MAP4K4: variants seen among roughly 807,000 people sequenced by gnomAD.
The protein encoded by MAP4K4 is HPK/GCK-like kinase HGK.
Under a neutral mutation model 189.6 loss-of-function variants are expected in MAP4K4, and 38 were observed. That is an observed-to-expected ratio of 0.20 (90% CI 0.15 to 0.26). The LOEUF (loss-of-function observed/expected upper bound fraction) is 0.26. Ranked by LOEUF, MAP4K4 falls within the 10% of genes least tolerant of loss-of-function variation. The pLI, the probability that MAP4K4 is intolerant of heterozygous loss-of-function variation, is 1.00. For missense variants in MAP4K4, 1,054 were observed against 1,726.9 expected, an observed-to-expected ratio of 0.61 and a Z score of 6.91; for synonymous variants, 610 against 624.3, an observed-to-expected ratio of 0.98 and a Z score of 0.34.
At chr2:101,800,155 G>A (rs944096180) in intron 3 of MAP4K4, among the ~76,000 whole-genome samples, 6 of 151,884 alleles carry the variant, frequency 4.0e-5, no homozygotes, top group African/African-American at 1.5e-4. Flanking sequence ...TTTGAGACAG[G>A]ATCTTGCTTC....
chr2:101,709,054 T>C (rs1573938170), intron 2 of MAP4K4, among the ~76,000 whole-genome samples: 1 of 152,332 alleles, frequency 6.6e-6, no homozygotes. Flanking sequence ...GGAATTTATC[T>C]GTTTGGGTCT....
At position 101,856,055 on chromosome 2, in the gene MAP4K4, C is replaced by G. The variant is rs1184579294; in HGVS notation, c.1312C>G (p.Leu438Val). Reference sequence around the variant, plus strand: ...GAGAGAACAAGAAGAAAAGAGGCGTCTAGAGGAGTTGGAGAGAAGGCGCAA... The same window carrying G: ...GAGAGAACAAGAAGAAAAGAGGCGTGTAGAGGAGTTGGAGAGAAGGCGCAA... Residue 438 changes from leucine to valine, a missense_variant, in exon 13 of 33, where the codon CTA becomes GTA. Leu to Val is a conservative substitution (Grantham distance 32). This residue lies in a region of MAP4K4 where 646 missense variants were observed against 796.2 expected (regional missense o/e 0.81). Coordinates refer to ENST00000324219, the Ensembl canonical transcript of MAP4K4. The G allele has an allele frequency of 5.2e-6, 8 of 1,551,590 alleles. No individual in the cohort carries two copies. Among genetic ancestry groups the G allele is most frequent in the Non-Finnish European group, 6.1e-6 (7 of 1,146,914 alleles).
chr2:101,703,241 G>T (rs1363271380), intron 2 of MAP4K4, among the ~76,000 whole-genome samples: 2 of 151,784 alleles, frequency 1.3e-5, no homozygotes, highest in Non-Finnish European at 2.9e-5. Flanking sequence ...GGTTGGGGTG[G>T]ATACTTGGGC....
At chr2:101,780,025 GATT>G (rs1313078116) in intron 2 of MAP4K4, among the ~76,000 whole-genome samples, 1 of 152,178 alleles carries the variant, frequency 6.6e-6, no homozygotes, top group Non-Finnish European at 1.5e-5. Context: ...TCACAAACCA[GATT>G]ATACTTGTTT....
At chr2:101,735,571 TGGG>T (rs2149667656) in intron 2 of MAP4K4, among the ~76,000 whole-genome samples, 2 of 152,266 alleles carry the variant, frequency 1.3e-5, no homozygotes, top group East Asian at 3.9e-4. Flanking sequence ...AGTCATTTGT[TGGG>T]TGGCCAAGGT....
chr2:101,792,552 A>C lies in MAP4K4; in HGVS notation c.180+1776A>C, dbSNP rs547364342. 3.3e-4 allele frequency among the ~76,000 whole-genome samples: 50 copies of C among 151,924 alleles called. 1 individual carries two copies. Among genetic ancestry groups the C allele is most frequent in the African/African-American group, 1.2e-3 (50 of 41,240 alleles). Reference sequence around the variant, plus strand: ...AGAAGTGTAAAATATAGGAAAATATAAAGAAAAAGTTAAATCCTTATACTT... The same window carrying C: ...AGAAGTGTAAAATATAGGAAAATATCAAGAAAAAGTTAAATCCTTATACTT... On this transcript the variant is annotated intron_variant, in intron 3 of 32. Transcript: ENST00000324219.
intron 1 of MAP4K4, 30 bp downstream of exon 1, chr2:101,698,167 G>GAGCGGGC (rs771347580): frequency 3.0e-6 from 3 of 1,002,436 alleles, no homozygotes; most frequent in Non-Finnish European, 3.8e-6. Context: ...GGCGCGCGGG[G>GAGCGGGC]AGCGGGCAGC....
intron 2 of MAP4K4, among the ~76,000 whole-genome samples, chr2:101,714,677 A>G (rs1015832697): frequency 1.1e-4 from 16 of 152,254 alleles, no homozygotes; most frequent in Admixed American, 8.5e-4. Context: ...AATCATGTGC[A>G]GAATTCATTT....
chr2:101,837,268 CCTT>C (rs777108182), intron 9 of MAP4K4, among the ~76,000 whole-genome samples: 6 of 152,048 alleles, frequency 3.9e-5, no homozygotes, highest in Admixed American at 1.3e-4. Context: ...TGTTTACTCA[CCTT>C]CTGGTGATTT....
At chr2:101,872,625 C>T (rs1465556111) in intron 24 of MAP4K4, among the ~76,000 whole-genome samples, 1 of 152,176 alleles carries the variant, frequency 6.6e-6, no homozygotes, top group Non-Finnish European at 1.5e-5. Context: ...AAGTCAACTG[C>T]TTCCTAGACA....
chr2:101,756,747 T>G (rs1456632281), intron 2 of MAP4K4, among the ~76,000 whole-genome samples: 7 of 150,452 alleles, frequency 4.7e-5, no homozygotes, highest in African/African-American at 1.7e-4. Context: ...TTTTTTTTTT[T>G]GTAGAAACAG....
chr2:101,784,270 GTGTGTGTGTGTGTGTGTA>G (rs1284021686), intron 2 of MAP4K4, among the ~76,000 whole-genome samples: 11 of 144,196 alleles, frequency 7.6e-5, no homozygotes, highest in African/African-American at 2.9e-4. Flanking sequence ...CTTCGTGTGT[GTGTGTGTGTGTGTGTGTA>G]TGTGTGTGTG....
chr2:101,847,846 C>A (rs941122872), intron 12 of MAP4K4, among the ~76,000 whole-genome samples: 2 of 152,214 alleles, frequency 1.3e-5, no homozygotes, highest in African/African-American at 4.8e-5. Flanking sequence ...TCACCACTCA[C>A]TCACTGACTC....
At chr2:101,849,778 C>T (rs1006971763) in intron 12 of MAP4K4, among the ~76,000 whole-genome samples, 1 of 151,694 alleles carries the variant, frequency 6.6e-6, no homozygotes, top group Non-Finnish European at 1.5e-5. Flanking sequence ...ATCTGTAATC[C>T]CAGCCACTTT....
At chr2:101,870,598 A>G in intron 23 of MAP4K4, 183 bp downstream of exon 23, 2 of 697,046 alleles carry the variant, frequency 2.9e-6, no homozygotes. Context: ...CCCAGAAGGT[A>G]GCGAGTAGTC....
At chr2:101,854,955 A>G (rs140256059) in intron 12 of MAP4K4, among the ~76,000 whole-genome samples, 36 of 152,320 alleles carry the variant, frequency 2.4e-4, no homozygotes, top group African/African-American at 8.2e-4. Flanking sequence ...CATGCTAGCT[A>G]TATTTCAGGT....
intron 2 of MAP4K4, among the ~76,000 whole-genome samples, chr2:101,756,731 T>TA (rs1296046118): frequency 1.0e-3 from 147 of 144,772 alleles, no homozygotes; most frequent in African/African-American, 3.6e-3. Flanking sequence ...ATTTTTGTAT[T>TA]TTTTTTTTTT....
chr2:101,797,056 C>T lies in MAP4K4; in HGVS notation c.180+6280C>T, dbSNP rs137931273. 1.3e-3 allele frequency among the ~76,000 whole-genome samples: 197 copies of T among 152,160 alleles called. 1 individual carries two copies. Among genetic ancestry groups the T allele is most frequent in the African/African-American group, 4.5e-3 (188 of 41,502 alleles). On this transcript the variant is annotated intron_variant, in intron 3 of 32. Transcript: ENST00000324219. ...CTTTCAGGGAGTTCATGCTCTGGTA[C>T]GAGGGAGTAAAACAAGCATATTCCA... is the stretch of plus-strand genomic sequence containing the variant.
At chr2:101,773,618 T>C (rs2082511251) in intron 2 of MAP4K4, among the ~76,000 whole-genome samples, 1 of 152,244 alleles carries the variant, frequency 6.6e-6, no homozygotes, top group African/African-American at 2.4e-5. Flanking sequence ...GTTTTAGTTA[T>C]TTAAAATGTA....
Sources: gnomAD v4.1 joint callset for allele counts (sites outside exome capture counted in the v4.1 genomes callset) on GRCh38, gnomAD v4.1.1 for gene constraint, gnomAD v4.1.1 regional missense constraint, MANE v1.5 for transcripts, NCBI Gene and HGNC (gene_info 2026-07-23, HGNC 2026-07-21) for gene names.